The following OSBPL8 variants were observed in gnomAD, a reference collection of about 807,000 sequenced individuals.
OSBPL8 encodes oxysterol-binding protein-related protein 8.
A neutral mutation model predicts 125.5 loss-of-function variants in OSBPL8; 59 were observed. The observed-to-expected ratio is 0.47, with a 90% CI of 0.38 to 0.58. OSBPL8 has a LOEUF of 0.58. OSBPL8 is among the 20% of genes least tolerant of loss of function. The pLI is 0.00. For synonymous variants in OSBPL8, 330 were observed against 338.9 expected, an observed-to-expected ratio of 0.97 and a Z score of 0.29; for missense variants, 758 against 1,047.8, an observed-to-expected ratio of 0.72 and a Z score of 3.82.
At chr12:76,518,627 G>C (rs1359952587) in intron 1 of OSBPL8, among the ~76,000 whole-genome samples, 1 of 152,206 alleles carries the variant, frequency 6.6e-6, no homozygotes, top group Admixed American at 6.5e-5. Context: ...GCTTAGCCTG[G>C]GCACCCAGGC....
Position 76,541,481 on chromosome 12 carries a change from A to AAAT in OSBPL8, c.-68+17913_-68+17915dup, listed in dbSNP as rs530617163. Among the ~76,000 whole-genome samples, 87 of 151,888 alleles carry AAAT rather than the reference A, an allele frequency of 5.7e-4. 1 individual carries two copies. In the South Asian group the frequency reaches 0.01, roughly 18 times the overall value. ...TGACACAGAGCAAGACTGTCTCAAA[A>AAAT]AATAATAATAATAATAATTAAATAA... On this transcript the variant is annotated intron_variant, in intron 1 of 23. Transcript: ENST00000261183.
At chr12:76,530,694 C>CT (rs1027145814) in intron 1 of OSBPL8, among the ~76,000 whole-genome samples, 4 of 152,132 alleles carry the variant, frequency 2.6e-5, no homozygotes, top group Non-Finnish European at 4.4e-5. Flanking sequence ...AGAAGAGTGC[C>CT]TATCACAGGA....
chr12:76,468,454 A>C (rs1021974527), intron 2 of OSBPL8, among the ~76,000 whole-genome samples: 3 of 152,180 alleles, frequency 2.0e-5, no homozygotes, highest in African/African-American at 7.2e-5. Flanking sequence ...TTCCTACTCA[A>C]TAGCTTGAAA....
Position 76,375,409 on chromosome 12 carries a change from T to G in OSBPL8, c.1730-39A>C, listed in dbSNP as rs746294896. 10 of 1,372,874 alleles carry G rather than the reference T, an allele frequency of 7.3e-6. No homozygotes were observed. In the South Asian group the frequency reaches 1.2e-4, roughly 16 times the overall value. 85.0% of individuals were successfully genotyped at this position (1,372,874 alleles called of 1,614,324 possible). A position where few individuals can be genotyped will look rare whatever the true frequency, so the allele number is the denominator to read the frequency against. ...ATTTGACAAAAAATTGAAAAGAGTA[T>G]AGTATAGTATATGGCTCACGATAAA... is the stretch of plus-strand genomic sequence containing the variant. On this transcript the variant is annotated intron_variant, in intron 16 of 23. Transcript: ENST00000261183.
At chr12:76,553,948 G>A (rs1274621797) in intron 1 of OSBPL8, among the ~76,000 whole-genome samples, 2 of 120,598 alleles carry the variant, frequency 1.7e-5, no homozygotes, top group African/African-American at 6.5e-5. Flanking sequence ...CTGCACTCCA[G>A]CCTAGGTGAC....
chr12:76,463,875 G>T (rs1288603443), intron 2 of OSBPL8, among the ~76,000 whole-genome samples: 1 of 152,132 alleles, frequency 6.6e-6, no homozygotes, highest in East Asian at 1.9e-4. Flanking sequence ...TCTGCACATG[G>T]CTAAACTGCA....
At chr12:76,497,255 T>C (rs1879373546) in intron 1 of OSBPL8, among the ~76,000 whole-genome samples, 1 of 151,766 alleles carries the variant, frequency 6.6e-6, no homozygotes, top group African/African-American at 2.4e-5. Context: ...ACTTTGCAGA[T>C]GATAGGATTT....
intron 1 of OSBPL8, among the ~76,000 whole-genome samples, chr12:76,490,263 C>T (rs1160233313): frequency 1.3e-5 from 2 of 152,180 alleles, no homozygotes; most frequent in African/African-American, 2.4e-5. Flanking sequence ...TGGCAAAAGC[C>T]CCACCCTCAA....
intron 5 of OSBPL8, 120 bp from the exon 6 acceptor site, chr12:76,402,886 C>G: frequency 1.5e-6 from 1 of 668,030 alleles, no homozygotes; most frequent in African/African-American, 1.8e-5. Flanking sequence ...AAGCAAATGT[C>G]AATTTTCAAT....
chr12:76,494,779 T>C (rs1435949478), intron 1 of OSBPL8, among the ~76,000 whole-genome samples: 1 of 152,146 alleles, frequency 6.6e-6, no homozygotes, highest in African/African-American at 2.4e-5. Flanking sequence ...TTTAGGAATA[T>C]TAAGTTTGAT....
At chr12:76,437,572 G>A (rs911917607) in intron 4 of OSBPL8, among the ~76,000 whole-genome samples, 3 of 152,066 alleles carry the variant, frequency 2.0e-5, no homozygotes, top group Admixed American at 1.3e-4. Flanking sequence ...GCACTGCAAC[G>A]CATCTCTACT....
At chr12:76,367,372 T>G (rs564345453) in intron 21 of OSBPL8, among the ~76,000 whole-genome samples, 13 of 152,172 alleles carry the variant, frequency 8.5e-5, no homozygotes, top group Non-Finnish European at 1.9e-4. Flanking sequence ...TTGGTTACTA[T>G]TGGCCACCTC....
chr12:76,364,801 G>C (rs1219742071), intron 21 of OSBPL8, among the ~76,000 whole-genome samples: 2 of 152,124 alleles, frequency 1.3e-5, no homozygotes, highest in African/African-American at 4.8e-5. Flanking sequence ...ATCGAAAAGT[G>C]AGAGTCCTCT....
At chr12:76,518,879 C>T (rs1881805947) in intron 1 of OSBPL8, among the ~76,000 whole-genome samples, 1 of 152,220 alleles carries the variant, frequency 6.6e-6, no homozygotes, top group African/African-American at 2.4e-5. Flanking sequence ...CCATTCTTCC[C>T]TTCCAGGCCT....
chr12:76,488,779 T>C (rs1325133869), intron 1 of OSBPL8, among the ~76,000 whole-genome samples: 2 of 152,122 alleles, frequency 1.3e-5, no homozygotes, highest in African/African-American at 4.8e-5. Flanking sequence ...TTGAAATTAG[T>C]CCAATTAATA....
intron 1 of OSBPL8, among the ~76,000 whole-genome samples, chr12:76,528,157 C>G (rs1015933512): frequency 6.6e-6 from 1 of 152,036 alleles, no homozygotes; most frequent in South Asian, 2.1e-4. Context: ...TCTGTTTCTA[C>G]TAAAAATACA....
chr12:76,380,369 A>T (rs1952990285), intron 15 of OSBPL8, among the ~76,000 whole-genome samples: 1 of 152,036 alleles, frequency 6.6e-6, no homozygotes, highest in South Asian at 2.1e-4. Context: ...ATTTTTAAAT[A>T]CATTATTTGG....
chr12:76,410,753 T>G (rs1954481903), intron 4 of OSBPL8, 119 bp from the exon 5 acceptor site: 1 of 650,662 alleles, frequency 1.5e-6, no homozygotes, highest in Admixed American at 2.6e-5. Flanking sequence ...TACACACAGC[T>G]TTAAACTATT....
chr12:76,554,951 C>T (rs147598772), intron 1 of OSBPL8, among the ~76,000 whole-genome samples: 12 of 152,234 alleles, frequency 7.9e-5, no homozygotes, highest in East Asian at 7.7e-4. Context: ...GGATCAAAAA[C>T]ACTACAAAGA....
Sources: gnomAD v4.1 joint callset for allele counts (sites outside exome capture counted in the v4.1 genomes callset) on GRCh38, gnomAD v4.1.1 for gene constraint, MANE v1.5 for transcripts, NCBI Gene and HGNC (gene_info 2026-07-23, HGNC 2026-07-21) for gene names.